The following DNAH11 variants were observed in gnomAD, a reference collection of about 807,000 sequenced individuals.
DNAH11 encodes axonemal beta dynein heavy chain 11.
Under a neutral mutation model 526.0 loss-of-function variants are expected in DNAH11, and 442 were observed. The observed-to-expected ratio is 0.84, with a 90% CI of 0.78 to 0.91. The LOEUF (loss-of-function observed/expected upper bound fraction) is 0.91, where lower values mean the gene tolerates loss of function less well. Among genes scored for constraint, DNAH11 ranks in the 40% least tolerant of loss-of-function variants. The pLI is 0.00. For missense variants in DNAH11, 6,989 were observed against 5,448.7 expected (o/e 1.28, Z -8.90); for synonymous variants, 2,461 against 1,935.9 (o/e 1.27, Z -7.12).
intron 36 of DNAH11, among the ~76,000 whole-genome samples, chr7:21,700,797 A>G (rs1399193987): frequency 6.6e-6 from 1 of 152,208 alleles, no homozygotes; most frequent in Non-Finnish European, 1.5e-5. Context: ...GGATGAGTTC[A>G]TGTCCTTTGC....
intron 49 of DNAH11, among the ~76,000 whole-genome samples, chr7:21,742,827 G>A (rs1033973351): frequency 5.9e-5 from 9 of 152,188 alleles, no homozygotes; most frequent in East Asian, 5.8e-4. Context: ...CTGCGCTTCC[G>A]TGACAAAATA....
intron 74 of DNAH11, among the ~76,000 whole-genome samples, chr7:21,878,196 C>A (rs924651937): frequency 1.3e-5 from 2 of 152,182 alleles, no homozygotes; most frequent in Admixed American, 6.5e-5. Context: ...TAGACTCATA[C>A]CTTTTCTTCA....
chr7:21,724,677 AAACACTGGGCCAGGTCATCTGTG>A (rs1785011672), intron 44 of DNAH11, among the ~76,000 whole-genome samples: 1 of 138,550 alleles, frequency 7.2e-6, no homozygotes, highest in Non-Finnish European at 1.5e-5. Context: ...TGAATATAGG[AAACACTGGGCCAGGTCATCTGTG>A]GATATGGGAG....
chr7:21,619,311 C>A, intron 24 of DNAH11, 89 bp downstream of exon 24: 1 of 1,460,448 alleles, frequency 6.8e-7, no homozygotes, highest in Non-Finnish European at 9.2e-7. Context: ...TTTTGATGTC[C>A]TGGGAGCCTG....
intron 61 of DNAH11, among the ~76,000 whole-genome samples, chr7:21,800,802 G>A (rs1788952317): frequency 6.6e-6 from 1 of 152,124 alleles, no homozygotes; most frequent in African/African-American, 2.4e-5. Flanking sequence ...ATGAGGCTTG[G>A]GTGCAAGAGC....
chr7:21,862,677 G>C (rs1462642854), intron 69 of DNAH11, among the ~76,000 whole-genome samples: 4 of 152,210 alleles, frequency 2.6e-5, no homozygotes, highest in African/African-American at 9.6e-5. Context: ...AATGACAGCA[G>C]TGACTAGGTA....
intron 29 of DNAH11, among the ~76,000 whole-genome samples, chr7:21,656,564 A>G (rs565563605): frequency 1.3e-5 from 2 of 152,194 alleles, no homozygotes; most frequent in Non-Finnish European, 2.9e-5. Context: ...GTTATCCGCA[A>G]GAATGGCTCA....
intron 55 of DNAH11, among the ~76,000 whole-genome samples, chr7:21,771,432 C>T (rs144556725): frequency 6.6e-6 from 1 of 152,294 alleles, no homozygotes; most frequent in Non-Finnish European, 1.5e-5. Flanking sequence ...GCAGAGACTA[C>T]TCCTGCCCGA....
intron 55 of DNAH11, among the ~76,000 whole-genome samples, chr7:21,770,619 A>G (rs1482963022): frequency 6.6e-6 from 1 of 152,226 alleles, no homozygotes; most frequent in Non-Finnish European, 1.5e-5. Flanking sequence ...TAAGGGGTAC[A>G]TCTGCAGTTT....
At chr7:21,899,545 C>G (rs2128051948) in intron 80 of DNAH11, 97 bp downstream of exon 80, 3 of 900,460 alleles carry the variant, frequency 3.3e-6, no homozygotes, top group Admixed American at 2.3e-5. Flanking sequence ...CCTTGCCCTG[C>G]TCACCAATCC....
intron 76 of DNAH11, among the ~76,000 whole-genome samples, chr7:21,887,360 TAAG>T (rs1451742778): frequency 6.6e-6 from 1 of 152,196 alleles, no homozygotes; most frequent in African/African-American, 2.4e-5. Context: ...CAGCGTTAAT[TAAG>T]AAATACAGTA....
chr7:21,842,511 G>A (rs1782246101), intron 65 of DNAH11, 33 bp from the exon 66 acceptor site: 1 of 1,573,906 alleles, frequency 6.4e-7, no homozygotes. Context: ...GGTCATAGGA[G>A]TCTCCTGAAA....
intron 68 of DNAH11, among the ~76,000 whole-genome samples, chr7:21,858,841 CTG>C (rs1437265312): frequency 2.0e-5 from 3 of 152,138 alleles, no homozygotes; most frequent in Admixed American, 1.3e-4. Flanking sequence ...ACTCATCAAA[CTG>C]TGCATATAAT....
At chr7:21,587,403 C>A (rs1401737062) in intron 9 of DNAH11, among the ~76,000 whole-genome samples, 1 of 152,126 alleles carries the variant, frequency 6.6e-6, no homozygotes, top group Admixed American at 6.6e-5. Context: ...CTAGTAGTTT[C>A]TGCTCACTGA....
intron 20 of DNAH11, among the ~76,000 whole-genome samples, chr7:21,607,830 C>G (rs1303734829): frequency 1.3e-5 from 2 of 149,128 alleles, no homozygotes; most frequent in African/African-American, 2.5e-5. Flanking sequence ...CCCAACTACT[C>G]AGGAGGCTGA....
chr7:21,605,709 CT>C (rs557530810), intron 18 of DNAH11, among the ~76,000 whole-genome samples: 2 of 152,108 alleles, frequency 1.3e-5, no homozygotes, highest in South Asian at 2.1e-4. Flanking sequence ...TTCAAAGCAT[CT>C]TTTTTTTCAC....
At chr7:21,762,603 G>C (rs551765072) in intron 54 of DNAH11, among the ~76,000 whole-genome samples, 2 of 152,238 alleles carry the variant, frequency 1.3e-5, no homozygotes, top group African/African-American at 4.8e-5. Context: ...TGTTAAGTTA[G>C]CACATGAAAT....
At position 21,811,349 on chromosome 7, in the gene DNAH11, A is replaced by G. The variant is rs1284440777; in HGVS notation, c.10332+3300A>G. Among the ~76,000 whole-genome samples, 4 of 151,872 alleles carry G rather than the reference A, an allele frequency of 2.6e-5. No individual in the cohort carries two copies. The East Asian group carries it at 5.8e-4, about 22-fold the overall frequency. On this transcript the variant is annotated intron_variant, in intron 63 of 81. Transcript: ENST00000409508. Reference sequence around the variant, plus strand: ...TGGGTGCCTGTAATCCAGGCTATTCAGGAGGCTGAGGCAGGAGAATCGCTT... The same window carrying G: ...TGGGTGCCTGTAATCCAGGCTATTCGGGAGGCTGAGGCAGGAGAATCGCTT...
Position 21,655,866 on chromosome 7 carries a change from T to C in DNAH11, c.4979T>C (p.Ile1660Thr), listed in dbSNP as rs1203084441. 6.2e-7 allele frequency: 1 copy of C among 1,613,370 alleles called. No individual in the cohort carries two copies. Among genetic ancestry groups the C allele is most frequent in the Non-Finnish European group, 8.5e-7 (1 of 1,179,556 alleles). ...CACCTTGCCAAACTTTTCGACAGCATTGCAGATCTGCAGTTTGAAGACAAT... is the reference window on the plus strand; with the variant it reads ...CACCTTGCCAAACTTTTCGACAGCACTGCAGATCTGCAGTTTGAAGACAAT... Reference protein sequence around the residue: ...TCHLAKLFDSIADLQFEDNQD... With the variant: ...TCHLAKLFDSTADLQFEDNQD... The change falls in exon 29 of 82, where the codon ATT becomes ACT. Residue 1660 changes from isoleucine to threonine, a missense_variant. Physicochemically the swap from Ile to Thr is moderately conservative, Grantham distance 89. Coordinates refer to ENST00000409508, the MANE Select transcript of DNAH11 (RefSeq NM_001277115.2).
Sources: gnomAD v4.1 joint callset for allele counts (sites outside exome capture counted in the v4.1 genomes callset) on GRCh38, gnomAD v4.1.1 for gene constraint, MANE v1.5 for transcripts, NCBI Gene and HGNC (gene_info 2026-07-23, HGNC 2026-07-21) for gene names.